ARHGAP8: variants seen among roughly 807,000 people sequenced by gnomAD.
ARHGAP8 encodes Rho GTPase activating protein 8.
ARHGAP8 carries 62 observed loss-of-function variants against 46.1 expected under a neutral mutation model. The observed-to-expected ratio is 1.34, with a 90% CI of 1.10 to 1.66. The LOEUF (loss-of-function observed/expected upper bound fraction) is 1.66. Among genes scored for constraint, ARHGAP8 ranks in the 40% most tolerant of loss-of-function variants. The pLI, the probability that ARHGAP8 is intolerant of heterozygous loss-of-function variation, is 0.00. For missense variants in ARHGAP8, 923 were observed against 568.4 expected (o/e 1.62, Z -6.34); for synonymous variants, 375 against 243.1 (o/e 1.54, Z -5.05).
chr22:44,815,725 G>C (rs1929691943), intron 5 of ARHGAP8, among the ~76,000 whole-genome samples: 1 of 152,150 alleles, frequency 6.6e-6, no homozygotes, highest in South Asian at 2.1e-4. Flanking sequence ...TCAGTATTGG[G>C]AAGCAAGAGC....
intron 3 of ARHGAP8, among the ~76,000 whole-genome samples, chr22:44,803,337 C>T (rs1178624553): frequency 6.6e-6 from 1 of 152,154 alleles, no homozygotes; most frequent in Non-Finnish European, 1.5e-5. Context: ...CAGGAGCATT[C>T]AGAAGGGGAG....
intron 5 of ARHGAP8, among the ~76,000 whole-genome samples, chr22:44,820,259 A>G (rs1311319532): frequency 1.3e-5 from 2 of 152,134 alleles, no homozygotes; most frequent in Non-Finnish European, 2.9e-5. Context: ...CCTGTCCCAG[A>G]GTCCGTGTTT....
chr22:44,860,386 A>C (rs919274817), intron 11 of ARHGAP8, among the ~76,000 whole-genome samples: 5 of 152,002 alleles, frequency 3.3e-5, no homozygotes, highest in South Asian at 4.2e-4. Context: ...GGCCTCTCCC[A>C]GCTCCTGGTC....
intron 1 of ARHGAP8, among the ~76,000 whole-genome samples, chr22:44,767,206 T>A (rs1602146503): frequency 6.6e-6 from 1 of 152,298 alleles, no homozygotes; most frequent in East Asian, 1.9e-4. Context: ...TTTCCTTCCT[T>A]CTCTGCTCCC....
At chr22:44,795,739 G>C (rs1001545691) in intron 2 of ARHGAP8, among the ~76,000 whole-genome samples, 1 of 152,168 alleles carries the variant, frequency 6.6e-6, no homozygotes. Context: ...TGGCCCACAG[G>C]CTTCTCTTTC....
chr22:44,773,027 G>A (rs1244631543), intron 1 of ARHGAP8, among the ~76,000 whole-genome samples: 1 of 151,962 alleles, frequency 6.6e-6, no homozygotes, highest in Non-Finnish European at 1.5e-5. Flanking sequence ...TGTTGCCCAG[G>A]CCAGTCTTAA....
chr22:44,793,320 G>T (rs1052137350), intron 2 of ARHGAP8, among the ~76,000 whole-genome samples: 9 of 152,148 alleles, frequency 5.9e-5, no homozygotes, highest in Non-Finnish European at 1.0e-4. Context: ...AGAGGTAGAC[G>T]CTCAGAGACG....
chr22:44,803,357 A>G (rs565569339), intron 3 of ARHGAP8, among the ~76,000 whole-genome samples: 32 of 152,270 alleles, frequency 2.1e-4, no homozygotes, highest in African/African-American at 7.5e-4. Context: ...GGTCTCAGGC[A>G]GTTTCCCAAA....
chr22:44,766,659 C>G (rs1438572801), intron 1 of ARHGAP8, among the ~76,000 whole-genome samples: 1 of 152,168 alleles, frequency 6.6e-6, no homozygotes, highest in Non-Finnish European at 1.5e-5. Context: ...TTCCTGGGGA[C>G]CCTTCCGGGG....
intron 5 of ARHGAP8, among the ~76,000 whole-genome samples, chr22:44,821,575 G>T (rs908201090): frequency 1.3e-5 from 2 of 152,178 alleles, no homozygotes; most frequent in Admixed American, 1.3e-4. Flanking sequence ...TTATAAAGGC[G>T]TGCTCGCATC....
chr22:44,845,270 C>G lies in ARHGAP8; in HGVS notation c.598C>G (p.Leu200Val). The change falls in exon 8 of 12, where the codon CTC (leucine) becomes GTC (valine). Residue 200 changes from leucine (L) to valine (V), a missense_variant and splice_region_variant. Transcript: ENST00000356099. ...CGACTTTCTTTTCTGTTTTCTCAGC[C>G]TCAAAGACAAAAATCAAGGCGAACT... is the stretch of plus-strand genomic sequence containing the variant. The part of the protein sequence containing the change: ...TQQFGVSLQY[L>V]KDKNQGELIP... 6.2e-7 allele frequency: 1 copy of G among 1,614,096 alleles called. No homozygotes were observed. Among genetic ancestry groups the G allele is most frequent in the Non-Finnish European group, 8.5e-7 (1 of 1,180,006 alleles).
chr22:44,808,968 C>T (rs1245089434), intron 4 of ARHGAP8: 1 of 401,214 alleles, frequency 2.5e-6, no homozygotes, highest in Admixed American at 2.7e-5. Flanking sequence ...CAGGCGTTCA[C>T]CACCATGCCT....
chr22:44,814,432 G>A (rs1004109345), intron 4 of ARHGAP8, among the ~76,000 whole-genome samples: 11 of 152,192 alleles, frequency 7.2e-5, no homozygotes, highest in African/African-American at 1.7e-4. Context: ...ACAGGGCTCC[G>A]ACTTGCAGCT....
At chr22:44,851,498 A>G (rs1424951966) in intron 10 of ARHGAP8, among the ~76,000 whole-genome samples, 1 of 152,064 alleles carries the variant, frequency 6.6e-6, no homozygotes, top group Non-Finnish European at 1.5e-5. Flanking sequence ...TGCAACCTCC[A>G]CCTGACATGG....
At chr22:44,822,334 C>T (rs1446725378) in intron 5 of ARHGAP8, 37 bp from the exon 6 acceptor site, 7 of 1,564,152 alleles carry the variant, frequency 4.5e-6, no homozygotes, top group Non-Finnish European at 6.0e-6. Context: ...CTGCTGGCGC[C>T]TAATCGTTCT....
intron 1 of ARHGAP8, among the ~76,000 whole-genome samples, chr22:44,767,647 C>T (rs997858970): frequency 1.3e-5 from 2 of 151,798 alleles, no homozygotes; most frequent in Non-Finnish European, 2.9e-5. Flanking sequence ...AACCCCCTAC[C>T]ACCTCCCTCC....
chr22:44,858,753 G>A (rs1452791539), intron 10 of ARHGAP8, among the ~76,000 whole-genome samples: 2 of 144,956 alleles, frequency 1.4e-5, no homozygotes, highest in East Asian at 3.9e-4. Context: ...TCAGAGTGGG[G>A]GCCAGTTGCA....
At position 44,862,328 on chromosome 22, in the gene ARHGAP8, C is replaced by G. The variant is rs1601541816; in HGVS notation, c.1035C>G (p.Val345=). The G allele has an allele frequency of 6.2e-7, 1 of 1,613,768 alleles. No homozygotes were observed. Among genetic ancestry groups the G allele is most frequent in the African/African-American group, 1.3e-5 (1 of 74,918 alleles). The change falls in exon 12 of 12, where the codon GTC becomes GTG. Residue 345 remains valine, a synonymous_variant. Transcript: ENST00000356099. ...TGAACAGCTCTAACCTGGCCTGTGTCTTCGGGCTGAATTTGATCTGGCCAT... is the reference window on the plus strand; with the variant it reads ...TGAACAGCTCTAACCTGGCCTGTGTGTTCGGGCTGAATTTGATCTGGCCAT... ...NKMNSSNLAC[V]FGLNLIWPSQ...
rs982030951 is a variant in ARHGAP8 at position 44,822,608 on chromosome 22, G to A, written c.485+139G>A. The A allele has an allele frequency of 1.7e-5, 12 of 709,256 alleles. No individual in the cohort carries two copies. The Admixed American group carries it at 2.1e-4, about 12-fold the overall frequency. The allele number at this position is 709,256 out of a possible 1,614,324, so 43.9% of individuals were successfully genotyped here. A position where few individuals can be genotyped will look rare whatever the true frequency, so the allele number is the denominator to read the frequency against. ...ATTTGGCTCAGAAATCTGCGGCATCGACAAAGATCCGCAGCAAAAGGTGCT... is the reference window on the plus strand; with the variant it reads ...ATTTGGCTCAGAAATCTGCGGCATCAACAAAGATCCGCAGCAAAAGGTGCT... On this transcript the variant is annotated intron_variant, in intron 6 of 11. Coordinates refer to ENST00000356099, the MANE Select transcript of ARHGAP8 (RefSeq NM_181335.3).
Sources: allele counts gnomAD v4.1 joint callset (sites outside exome capture counted in the v4.1 genomes callset), GRCh38; gene constraint gnomAD v4.1.1; transcripts MANE v1.5; gene names NCBI Gene and HGNC (gene_info 2026-07-23, HGNC 2026-07-21).